Variants in RNF150 observed in about 807,000 individuals in gnomAD.
RNF150 encodes the protein ring finger protein 150.
A neutral mutation model predicts 39.3 loss-of-function variants in RNF150; 24 were observed. The ratio of observed to expected loss-of-function variants is 0.61; its 90% CI spans 0.44 to 0.86. RNF150 has a LOEUF of 0.86. RNF150 is among the 40% of genes least tolerant of loss of function. The pLI is 0.00. For missense variants in RNF150, 502 were observed against 587.8 expected (o/e 0.85, Z 1.51); for synonymous variants, 255 against 227.3 (o/e 1.12, Z -1.10).
intron 5 of RNF150, among the ~76,000 whole-genome samples, chr4:140,920,349 C>G (rs1223783122): frequency 6.8e-5 from 7 of 102,544 alleles, no homozygotes; most frequent in South Asian, 8.9e-4. Flanking sequence ...AAGAAAAAAA[C>G]AAACAACCCC....
rs1407127180 is a variant in RNF150, at chr4:141,027,933, T to TG, written c.485-60061_485-60060insC. Among the ~76,000 whole-genome samples the TG allele has an allele frequency of 3.4e-3, 435 of 127,854 alleles. 9 individuals carry two copies. The highest frequency in any genetic ancestry group is 0.012 in the African/African-American group (412 of 34,534). 83.9% of individuals were successfully genotyped at this position (127,854 alleles called of 152,430 possible). A position where few individuals can be genotyped will look rare whatever the true frequency, so the allele number is the denominator to read the frequency against. On this transcript the variant is annotated intron_variant, in intron 1 of 6. Transcript: ENST00000515673. ...ATTTGTTTTTTTTTTTTTGTTTTTT[T>TG]TTTTTTTTTTTTTTTTTTTCAATCC...
intron 6 of RNF150, among the ~76,000 whole-genome samples, chr4:140,896,870 G>A (rs1560953358): frequency 6.6e-6 from 1 of 151,962 alleles, no homozygotes; most frequent in Non-Finnish European, 1.5e-5. Context: ...GATGTTTCAT[G>A]AGCAAAGAAG....
At position 140,865,684 on chromosome 4, in the gene RNF150, G is replaced by A. The variant is rs143435011; in HGVS notation, c.*2577C>T. The A allele has an allele frequency of 6.8e-4, 103 of 152,416 alleles. 3 individuals carry two copies. The East Asian group carries it at 8.3e-3, about 12-fold the overall frequency. The allele number at this position is 152,416 out of a possible 1,614,324, so 9.4% of individuals were successfully genotyped here. A position where few individuals can be genotyped will look rare whatever the true frequency, so the allele number is the denominator to read the frequency against. ...CCTTGGGGTCAGATCTGCCAGCCTC[G>A]GGTTGGCCTTTCAGACCCCTCATCG... On this transcript the variant is annotated 3_prime_UTR_variant, in exon 7 of 7. Transcript: ENST00000515673.
chr4:140,888,782 A>G (rs1729663619), intron 6 of RNF150, among the ~76,000 whole-genome samples: 1 of 152,226 alleles, frequency 6.6e-6, no homozygotes, highest in Admixed American at 6.5e-5. Context: ...TATTTACTCA[A>G]TAATTCTCTC....
chr4:140,948,126 T>G (rs1039032890), intron 3 of RNF150, among the ~76,000 whole-genome samples: 3 of 152,188 alleles, frequency 2.0e-5, no homozygotes, highest in African/African-American at 4.8e-5. Flanking sequence ...CAATGGTAGT[T>G]CCAATTTTTT....
chr4:140,966,429 AG>A (rs1733246623), intron 2 of RNF150, among the ~76,000 whole-genome samples: 2 of 152,122 alleles, frequency 1.3e-5, no homozygotes, highest in Non-Finnish European at 2.9e-5. Flanking sequence ...GACAATGACA[AG>A]CTGAGGGGTG....
At chr4:140,989,300 T>C (rs1455341512) in intron 1 of RNF150, among the ~76,000 whole-genome samples, 2 of 152,106 alleles carry the variant, frequency 1.3e-5, no homozygotes, top group Non-Finnish European at 2.9e-5. Context: ...AATGATTTTC[T>C]GGCCTCTGCT....
chr4:140,996,912 TAGG>T (rs1462957569), intron 1 of RNF150: 1 of 152,160 alleles, frequency 6.6e-6, no homozygotes, highest in Admixed American at 6.5e-5. Flanking sequence ...AGAAAGGAAC[TAGG>T]AGAACATTCC....
chr4:140,979,637 G>A (rs1178543690), intron 1 of RNF150, among the ~76,000 whole-genome samples: 3 of 151,840 alleles, frequency 2.0e-5, no homozygotes, highest in African/African-American at 4.8e-5. Flanking sequence ...GAGTGGGAAG[G>A]AGCACACTAA....
intron 6 of RNF150, among the ~76,000 whole-genome samples, chr4:140,903,701 C>T (rs1264669552): frequency 6.6e-6 from 1 of 152,138 alleles, no homozygotes; most frequent in Non-Finnish European, 1.5e-5. Context: ...GGAGATGGTG[C>T]TATCAATGAG....
intron 1 of RNF150, among the ~76,000 whole-genome samples, chr4:141,020,163 T>A (rs957486033): frequency 7.2e-5 from 11 of 152,156 alleles, no homozygotes; most frequent in African/African-American, 7.2e-5. Flanking sequence ...ATACATTTTG[T>A]AAGTTTCTCT....
At chr4:141,116,795 A>C (rs936895976) in intron 1 of RNF150, among the ~76,000 whole-genome samples, 1 of 152,184 alleles carries the variant, frequency 6.6e-6, no homozygotes, top group Non-Finnish European at 1.5e-5. Context: ...ACATACCATG[A>C]AATAGTATGC....
At chr4:141,189,300 C>G (rs1317011002) in intron 1 of RNF150, among the ~76,000 whole-genome samples, 1 of 152,166 alleles carries the variant, frequency 6.6e-6, no homozygotes, top group Non-Finnish European at 1.5e-5. Context: ...CCTCCAGAAG[C>G]CAGCTGGAGC....
chr4:140,874,052 C>A (rs941342507), intron 6 of RNF150, among the ~76,000 whole-genome samples: 1 of 152,102 alleles, frequency 6.6e-6, no homozygotes, highest in African/African-American at 2.4e-5. Context: ...TGAGTAAAAT[C>A]CATCAGTAGC....
At chr4:140,941,500 A>G (rs1386567171) in intron 4 of RNF150, among the ~76,000 whole-genome samples, 1 of 152,244 alleles carries the variant, frequency 6.6e-6, no homozygotes, top group East Asian at 1.9e-4. Flanking sequence ...GGATCTAATT[A>G]CATTCCAATT....
intron 1 of RNF150, among the ~76,000 whole-genome samples, chr4:141,067,517 G>A (rs1227285500): frequency 1.3e-5 from 2 of 152,154 alleles, no homozygotes; most frequent in African/African-American, 4.8e-5. Flanking sequence ...AAGAACCAGA[G>A]AGTTCTAGGC....
chr4:141,102,754 C>T (rs574303289), intron 1 of RNF150, among the ~76,000 whole-genome samples: 3 of 152,214 alleles, frequency 2.0e-5, no homozygotes, highest in Admixed American at 1.3e-4. Flanking sequence ...TTAATTCATA[C>T]CATGTTAGGA....
chr4:141,183,090 T>A (rs926112389), intron 1 of RNF150, among the ~76,000 whole-genome samples: 1 of 152,176 alleles, frequency 6.6e-6, no homozygotes, highest in Non-Finnish European at 1.5e-5. Flanking sequence ...GTCAGACAAC[T>A]TTGAGAGAAA....
chr4:140,883,158 T>G (rs1729437227), intron 6 of RNF150, among the ~76,000 whole-genome samples: 1 of 152,192 alleles, frequency 6.6e-6, no homozygotes, highest in East Asian at 1.9e-4. Flanking sequence ...ATATAAAAAC[T>G]CTACTCTTAT....
Sources: gnomAD v4.1 joint callset for allele counts (sites outside exome capture counted in the v4.1 genomes callset) on GRCh38, gnomAD v4.1.1 for gene constraint, MANE v1.5 for transcripts, NCBI Gene and HGNC (gene_info 2026-07-23, HGNC 2026-07-21) for gene names.